Variants in TULP4 observed in about 807,000 individuals in gnomAD.
TULP4 encodes the protein TUB like protein 4, also known as tubby-related protein 4.
TULP4 carries 16 observed loss-of-function variants against 129.0 expected under a neutral mutation model. The observed-to-expected ratio is 0.12, with a 90% confidence interval of 0.08 to 0.19. The LOEUF (loss-of-function observed/expected upper bound fraction) is 0.19. TULP4 is among the 10% of genes least tolerant of loss of function. TULP4 has a pLI of 1.00. For synonymous variants in TULP4, 998 were observed against 854.0 expected (o/e 1.17, Z -2.94); for missense variants, 1,842 against 2,059.1 (o/e 0.89, Z 2.04).
intron 1 of TULP4, chr6:158,237,966 C>A: frequency 1.4e-6 from 1 of 728,668 alleles, no homozygotes; most frequent in South Asian, 1.4e-5. Context: ...CATATTTGAG[C>A]TTGAAGTTTG....
At chr6:158,494,101 C>G (rs374492389) in intron 10 of TULP4, among the ~76,000 whole-genome samples, 15 of 152,344 alleles carry the variant, frequency 9.8e-5, no homozygotes, top group African/African-American at 3.6e-4. Context: ...CCCACCTCCT[C>G]CTCGTTTCTG....
chr6:158,440,121 T>C (rs1165116781), intron 3 of TULP4, among the ~76,000 whole-genome samples: 1 of 150,004 alleles, frequency 6.7e-6, no homozygotes, highest in East Asian at 2.0e-4. Flanking sequence ...AGTCCAGGAG[T>C]TCAAGACCAG....
intron 1 of TULP4, among the ~76,000 whole-genome samples, chr6:158,244,646 C>T (rs1356705202): frequency 1.3e-5 from 2 of 152,068 alleles, no homozygotes; most frequent in African/African-American, 4.8e-5. Flanking sequence ...ATGAAACCTA[C>T]CTTGCTGGTA....
intron 12 of TULP4, among the ~76,000 whole-genome samples, chr6:158,499,095 C>G (rs1029025666): frequency 3.3e-5 from 5 of 152,230 alleles, no homozygotes; most frequent in Non-Finnish European, 7.3e-5. Context: ...TTTATCCTCA[C>G]AGCTATCCTC....
chr6:158,426,764 T>C (rs1778504015), intron 2 of TULP4, among the ~76,000 whole-genome samples: 1 of 152,206 alleles, frequency 6.6e-6, no homozygotes, highest in Non-Finnish European at 1.5e-5. Context: ...AAGAATGTCA[T>C]TGGTAGTTTG....
chr6:158,309,026 G>A (rs1339247313), upstream of TULP4, among the ~76,000 whole-genome samples: 56 of 126,266 alleles, frequency 4.4e-4, no homozygotes, highest in African/African-American at 1.0e-3. Flanking sequence ...CTGGCCTGGC[G>A]GGGGCTGACC....
chr6:158,503,330 C>T lies in TULP4; in HGVS notation c.3667C>T (p.Pro1223Ser). The change falls in exon 13 of 14, where the codon CCT becomes TCT. Residue 1223 changes from proline (P) to serine (S), a missense_variant. By Grantham distance (74) the Pro-to-Ser change is moderately conservative (BLOSUM62 -1). Coordinates refer to ENST00000367097, the MANE Select transcript of TULP4 (RefSeq NM_020245.5). The surrounding 1 kb of genome is among the most constrained non-coding windows in gnomAD (Gnocchi z 4.3). ...LSPTQFAQQE[P>S]AVVLQPLYPP... ...CCCAACGCAGTTTGCACAACAGGAG[C>T]CTGCTGTGGTCCTTCAGCCGCTGTA... is the stretch of plus-strand genomic sequence containing the variant. 3 of 1,613,764 alleles carry T rather than the reference C, an allele frequency of 1.9e-6. No individual in the cohort carries two copies. Among genetic ancestry groups the T allele is most frequent in the South Asian group, 1.1e-5 (1 of 91,064 alleles).
intron 7 of TULP4, among the ~76,000 whole-genome samples, chr6:158,480,248 A>G (rs1248609150): frequency 1.3e-5 from 2 of 152,240 alleles, no homozygotes; most frequent in Non-Finnish European, 2.9e-5. Context: ...AGGAGTGACC[A>G]TTATTCAGCA....
chr6:158,242,286 TAGCAC>T, intron 1 of TULP4: 1 of 1,462,302 alleles, frequency 6.8e-7, no homozygotes, highest in South Asian at 1.2e-5. Flanking sequence ...ATGCAGTGTT[TAGCAC>T]AGCTCATGTG....
chr6:158,404,049 C>T (rs928101662), intron 1 of TULP4, among the ~76,000 whole-genome samples: 5 of 152,292 alleles, frequency 3.3e-5, no homozygotes, highest in African/African-American at 1.2e-4. Flanking sequence ...TCTTACCCAC[C>T]ACACTCTCCT....
At chr6:158,323,331 T>A (rs1583747055) in intron 1 of TULP4, among the ~76,000 whole-genome samples, 1 of 152,210 alleles carries the variant, frequency 6.6e-6, no homozygotes, top group South Asian at 2.1e-4. Context: ...TAATTTGACT[T>A]ATGCAGGTGC....
At chr6:158,427,445 C>G (rs1778522063) in intron 2 of TULP4, among the ~76,000 whole-genome samples, 2 of 126,414 alleles carry the variant, frequency 1.6e-5, no homozygotes, top group African/African-American at 3.1e-5. Context: ...ATGAAATGGA[C>G]AAATTCCTTT....
intron 1 of TULP4, among the ~76,000 whole-genome samples, chr6:158,331,982 G>A (rs1251396888): frequency 6.8e-6 from 1 of 148,148 alleles, no homozygotes; most frequent in East Asian, 2.0e-4. Flanking sequence ...CACCAGCCTG[G>A]CCAACATGGT....
intron 1 of TULP4, among the ~76,000 whole-genome samples, chr6:158,368,477 T>G (rs570553766): frequency 9.2e-5 from 14 of 152,304 alleles, no homozygotes; most frequent in Non-Finnish European, 1.6e-4. Context: ...TTCTTAGCCC[T>G]TTTGAACAGC....
intron 1 of TULP4, among the ~76,000 whole-genome samples, chr6:158,265,530 A>C (rs1778430880): frequency 1.3e-5 from 2 of 152,036 alleles, no homozygotes; most frequent in African/African-American, 4.8e-5. Flanking sequence ...AAAGAAAAAA[A>C]AAAATTAGCT....
chr6:158,343,156 T>C (rs1242332484), intron 1 of TULP4, among the ~76,000 whole-genome samples: 1 of 152,036 alleles, frequency 6.6e-6, no homozygotes, highest in Non-Finnish European at 1.5e-5. Flanking sequence ...GCCTGGGCTC[T>C]GTATGTTCTT....
In TULP4 at chr6:158,511,642, G is replaced by A. The variant is rs964121460; in HGVS notation, c.*4948G>A. 1.3e-5 allele frequency: 2 copies of A among 152,570 alleles called. No individual in the cohort carries two copies. The highest frequency in any genetic ancestry group is 4.8e-5 in the African/African-American group (2 of 41,426). The allele number at this position is 152,570 out of a possible 1,614,324, so 9.5% of individuals were successfully genotyped here. A position where few individuals can be genotyped will look rare whatever the true frequency, so the allele number is the denominator to read the frequency against. On this transcript the variant is annotated 3_prime_UTR_variant, in exon 14 of 14. Coordinates refer to ENST00000367097, the MANE Select transcript of TULP4 (RefSeq NM_020245.5). Reference sequence around the variant, plus strand: ...ATTTGCCTTTCTTCTTACGTATTTTGTGTATTAGATTGTGCAGGAGATATT... The same window carrying A: ...ATTTGCCTTTCTTCTTACGTATTTTATGTATTAGATTGTGCAGGAGATATT...
At chr6:158,453,885 G>A (rs377545940) in intron 5 of TULP4, among the ~76,000 whole-genome samples, 1 of 151,676 alleles carries the variant, frequency 6.6e-6, no homozygotes, top group African/African-American at 2.4e-5. Flanking sequence ...CCTGGGAGGC[G>A]GAGGTTGCAG....
chr6:158,364,708 C>T (rs887887097), intron 1 of TULP4, among the ~76,000 whole-genome samples: 2 of 152,120 alleles, frequency 1.3e-5, no homozygotes, highest in African/African-American at 4.8e-5. Flanking sequence ...TTTGCAGCCT[C>T]ACAGCAATCT....
Sources: allele counts gnomAD v4.1 joint callset (sites outside exome capture counted in the v4.1 genomes callset), GRCh38; gene constraint gnomAD v4.1.1; non-coding constraint Gnocchi (gnomAD v3.1); transcripts MANE v1.5; gene names NCBI Gene and HGNC (gene_info 2026-07-23, HGNC 2026-07-21).